The following MICAL2 variants were observed in gnomAD, a reference collection of about 807,000 sequenced individuals.
MICAL2 encodes the protein [F-actin]-monooxygenase MICAL2.
A neutral mutation model predicts 127.3 loss-of-function variants in MICAL2; 77 were observed. The ratio of observed to expected loss-of-function variants is 0.60; its 90% CI spans 0.50 to 0.73. MICAL2 has a LOEUF of 0.73. Ranked by LOEUF, MICAL2 falls within the 30% of genes least tolerant of loss-of-function variation. The probability of loss-of-function intolerance (pLI) is 0.00; values close to 1 mark genes in which losing one functional copy is unlikely to be tolerated. For missense variants in MICAL2, 1,351 were observed against 1,434.4 expected (o/e 0.94, Z 0.94); for synonymous variants, 570 against 551.1 (o/e 1.03, Z -0.48).
At chr11:12,252,052 C>A (rs1861621096) in intron 22 of MICAL2, among the ~76,000 whole-genome samples, 1 of 152,184 alleles carries the variant, frequency 6.6e-6, no homozygotes, top group Admixed American at 6.5e-5. Flanking sequence ...GGCAGTCACA[C>A]AAGGGGCTGG....
At chr11:12,349,989 G>T (rs186059612) in intron 33 of MICAL2, 322 of 1,514,834 alleles carry the variant, frequency 2.1e-4, no homozygotes, top group Admixed American at 2.4e-4. Flanking sequence ...AGGGGCAAAG[G>T]GGGGTGGCTT....
At chr11:12,315,489 C>T (rs1281337161) in intron 29 of MICAL2, among the ~76,000 whole-genome samples, 1 of 151,880 alleles carries the variant, frequency 6.6e-6, no homozygotes, top group Admixed American at 6.6e-5. Flanking sequence ...CTTTTTTTGA[C>T]CTATGGGTTA....
At chr11:12,188,006 T>C (rs752733517) in intron 3 of MICAL2, among the ~76,000 whole-genome samples, 14 of 152,190 alleles carry the variant, frequency 9.2e-5, no homozygotes, top group Non-Finnish European at 1.8e-4. Flanking sequence ...TTCCTCCTCC[T>C]CCTCCTCCCA....
chr11:12,309,461 T>C (rs999726523), intron 29 of MICAL2, among the ~76,000 whole-genome samples: 8 of 152,192 alleles, frequency 5.3e-5, no homozygotes, highest in Non-Finnish European at 1.0e-4. Flanking sequence ...TTTATTTCAC[T>C]TAACATAATG....
Position 12,242,948 on chromosome 11 carries a change from C to A in MICAL2, c.2658+176C>A, listed in dbSNP as rs77249141. The A allele has an allele frequency of 1.0e-5, 5 of 486,656 alleles. No individual in the cohort carries two copies. The East Asian group carries it at 1.1e-4, about 11-fold the overall frequency. The allele number at this position is 486,656 out of a possible 1,614,324, so 30.1% of individuals were successfully genotyped here. ...CTGGCATCTAGAAAAGACCCAAATG[C>A]GAAGATTCAAAATAAATAAATACAT... On this transcript the variant is annotated intron_variant, in intron 20 of 27. Transcript: ENST00000683283.
intron 7 of MICAL2, among the ~76,000 whole-genome samples, chr11:12,214,823 TCA>T (rs72173748): frequency 0.12 from 17,217 of 148,680 alleles, 1,191 homozygotes; most frequent in African/African-American, 0.18. Flanking sequence ...AGCTGGTCCA[TCA>T]CACACACACA....
At chr11:12,193,349 A>G (rs1021594911) in intron 3 of MICAL2, among the ~76,000 whole-genome samples, 1 of 152,204 alleles carries the variant, frequency 6.6e-6, no homozygotes, top group African/African-American at 2.4e-5. Context: ...TCAGATAAGT[A>G]ATCTCTCCCT....
At chr11:12,220,921 G>C (rs1856744026) in intron 9 of MICAL2, among the ~76,000 whole-genome samples, 1 of 152,210 alleles carries the variant, frequency 6.6e-6, no homozygotes, top group Admixed American at 6.5e-5. Context: ...AATCTGCAAG[G>C]GTGCAAGGAT....
At chr11:12,345,620 C>T (rs1938942346) in intron 32 of MICAL2, among the ~76,000 whole-genome samples, 1 of 152,162 alleles carries the variant, frequency 6.6e-6, no homozygotes, top group Admixed American at 6.5e-5. Context: ...TAACAAGATG[C>T]ATACAAAGTC....
intron 2 of MICAL2, chr11:12,281,114 C>T (rs140753462): frequency 1.8e-5 from 7 of 398,766 alleles, no homozygotes; most frequent in African/African-American, 1.4e-4. Context: ...GCAGAGAGCC[C>T]ACCAGGCTTG....
chr11:12,113,571 C>T (rs1194708471), intron 1 of MICAL2, among the ~76,000 whole-genome samples: 1 of 152,212 alleles, frequency 6.6e-6, no homozygotes, highest in East Asian at 1.9e-4. Context: ...TTTCACCTTT[C>T]GAGGTTTCGG....
chr11:12,303,061 A>G (rs1864066837), intron 29 of MICAL2, among the ~76,000 whole-genome samples: 14 of 152,208 alleles, frequency 9.2e-5, no homozygotes, highest in Admixed American at 9.2e-4. Context: ...GGACGCTTAT[A>G]AAACCATCAG....
chr11:12,240,967 C>A (rs1367771219), intron 17 of MICAL2, 73 bp from the exon 18 acceptor site: 52 of 1,562,096 alleles, frequency 3.3e-5, no homozygotes, highest in Non-Finnish European at 4.5e-5. Flanking sequence ...TCCCTCCAAG[C>A]CTCTCAATCT....
intron 32 of MICAL2, among the ~76,000 whole-genome samples, chr11:12,331,064 A>G (rs1377286935): frequency 1.3e-5 from 2 of 152,208 alleles, no homozygotes; most frequent in Non-Finnish European, 2.9e-5. Context: ...CCTTCTGGAA[A>G]GAGGCCAAGC....
intron 7 of MICAL2, among the ~76,000 whole-genome samples, chr11:12,215,259 C>T (rs1178739381): frequency 6.6e-6 from 1 of 152,230 alleles, no homozygotes; most frequent in Non-Finnish European, 1.5e-5. Context: ...ACAGTGCCCT[C>T]AGACAGTGAC....
At chr11:12,211,058 A>T (rs752837225) in intron 6 of MICAL2, among the ~76,000 whole-genome samples, 2 of 152,236 alleles carry the variant, frequency 1.3e-5, no homozygotes, top group Non-Finnish European at 2.9e-5. Context: ...AATGAAGGAC[A>T]ACTTAAAAGA....
At chr11:12,187,237 G>A (rs572396609) in intron 3 of MICAL2, among the ~76,000 whole-genome samples, 45 of 152,174 alleles carry the variant, frequency 3.0e-4, no homozygotes, top group African/African-American at 1.0e-3. Flanking sequence ...TGTATTTTAT[G>A]TTTCTTGTTC....
chr11:12,324,187 C>T, intron 31 of MICAL2: 4 of 1,231,220 alleles, frequency 3.2e-6, no homozygotes, highest in Non-Finnish European at 4.4e-6. Context: ...GGAGAAAGGT[C>T]AGTCTTGTTC....
intron 26 of MICAL2, chr11:12,260,545 A>T: frequency 9.9e-7 from 1 of 1,008,028 alleles, no homozygotes; most frequent in Non-Finnish European, 1.2e-6. Flanking sequence ...GCAGTGAGTT[A>T]TCAAAGCCAC....
Sources: allele counts gnomAD v4.1 joint callset (sites outside exome capture counted in the v4.1 genomes callset), GRCh38; gene constraint gnomAD v4.1.1; transcripts MANE v1.5; gene names NCBI Gene and HGNC (gene_info 2026-07-23, HGNC 2026-07-21).